The following AMBRA1 variants were observed in gnomAD, a reference collection of about 807,000 sequenced individuals.
AMBRA1 encodes autophagy and beclin 1 regulator 1.
Under a neutral mutation model 125.4 loss-of-function variants are expected in AMBRA1, and 47 were observed. The ratio of observed to expected loss-of-function variants is 0.37; its 90% CI spans 0.30 to 0.48. AMBRA1 has a LOEUF of 0.48. Among genes scored for constraint, AMBRA1 ranks in the 20% least tolerant of loss-of-function variants. The pLI is 0.99. For missense variants in AMBRA1, 1,331 were observed against 1,693.4 expected, an observed-to-expected ratio of 0.79 and a Z score of 3.76; for synonymous variants, 626 against 655.5, an observed-to-expected ratio of 0.95 and a Z score of 0.69.
intron 12 of AMBRA1, among the ~76,000 whole-genome samples, chr11:46,442,271 T>A (rs1396175492): frequency 1.3e-5 from 2 of 151,908 alleles, no homozygotes; most frequent in Non-Finnish European, 2.9e-5. Context: ...GCCACCCGAG[T>A]AGCTGGGAAA....
intron 9 of AMBRA1, among the ~76,000 whole-genome samples, chr11:46,498,008 C>A (rs921915654): frequency 6.6e-6 from 1 of 152,164 alleles, no homozygotes; most frequent in Non-Finnish European, 1.5e-5. Context: ...ACTTAGAAAA[C>A]TACACAGAAA....
intron 8 of AMBRA1, among the ~76,000 whole-genome samples, chr11:46,509,921 G>A (rs1451990373): frequency 6.6e-6 from 1 of 152,070 alleles, no homozygotes. Context: ...ATATCCAAAT[G>A]GTACAAAAAG....
chr11:46,569,982 C>T (rs2043697426), intron 1 of AMBRA1, among the ~76,000 whole-genome samples: 1 of 150,868 alleles, frequency 6.6e-6, no homozygotes, highest in African/African-American at 2.4e-5. Context: ...ATAATAAAGG[C>T]CAGGCACGGT....
intron 7 of AMBRA1, among the ~76,000 whole-genome samples, chr11:46,539,498 G>A (rs1031171744): frequency 5.3e-5 from 8 of 151,630 alleles, no homozygotes; most frequent in African/African-American, 1.9e-4. Context: ...TGGAGGTTGT[G>A]GTGAGCCGAG....
chr11:46,487,859 G>C (rs1478354934), intron 11 of AMBRA1, among the ~76,000 whole-genome samples: 1 of 151,892 alleles, frequency 6.6e-6, no homozygotes, highest in African/African-American at 2.4e-5. Flanking sequence ...CAATCAAAAA[G>C]CAGAGATTGT....
At chr11:46,475,420 G>C (rs144702743) in intron 11 of AMBRA1, among the ~76,000 whole-genome samples, 182 of 152,334 alleles carry the variant, frequency 1.2e-3, no homozygotes, top group African/African-American at 4.0e-3. Context: ...ATTTCTTTGA[G>C]GGGGTAGACT....
chr11:46,445,765 C>T (rs1398025110), intron 11 of AMBRA1, among the ~76,000 whole-genome samples: 1 of 152,254 alleles, frequency 6.6e-6, no homozygotes, highest in East Asian at 1.9e-4. Context: ...AGCTCCTTAT[C>T]ATTTTCTCCA....
At chr11:46,455,069 G>T (rs1948793911) in intron 11 of AMBRA1, among the ~76,000 whole-genome samples, 1 of 151,948 alleles carries the variant, frequency 6.6e-6, no homozygotes, top group South Asian at 2.1e-4. Flanking sequence ...ATTTGTTTTT[G>T]TAGATATGGG....
chr11:46,464,357 T>C (rs1222382079), intron 11 of AMBRA1, among the ~76,000 whole-genome samples: 1 of 152,176 alleles, frequency 6.6e-6, no homozygotes, highest in Non-Finnish European at 1.5e-5. Flanking sequence ...AGAAAAGCTT[T>C]ACCAAAAAAG....
At chr11:46,421,545 T>C (rs892672837) in intron 14 of AMBRA1, among the ~76,000 whole-genome samples, 2 of 152,222 alleles carry the variant, frequency 1.3e-5, no homozygotes, top group African/African-American at 2.4e-5. Context: ...AGAGGTCATC[T>C]GGTCCAATCA....
intron 17 of AMBRA1, among the ~76,000 whole-genome samples, chr11:46,399,842 G>A (rs1305212162): frequency 6.6e-6 from 1 of 152,234 alleles, no homozygotes; most frequent in Non-Finnish European, 1.5e-5. Context: ...TAGGGAGGGA[G>A]AGAAGGATCT....
chr11:46,416,785 T>C (rs1355931718), intron 15 of AMBRA1, among the ~76,000 whole-genome samples: 1 of 152,212 alleles, frequency 6.6e-6, no homozygotes, highest in Non-Finnish European at 1.5e-5. Flanking sequence ...AAGTGGCATT[T>C]AGTCGGCTGG....
At chr11:46,488,793 C>T (rs950059641) in intron 11 of AMBRA1, among the ~76,000 whole-genome samples, 1 of 152,116 alleles carries the variant, frequency 6.6e-6, no homozygotes. Flanking sequence ...AAGAGAACAA[C>T]AGAAGGAAAT....
At chr11:46,583,652 C>CAAAAAAAAATAAAA (rs2044257219) in intron 1 of AMBRA1, among the ~76,000 whole-genome samples, 1 of 12,564 alleles carries the variant, frequency 8.0e-5, no homozygotes, top group Non-Finnish European at 1.6e-4. Context: ...AACAAATTTC[C>CAAAAAAAAATAAAA]AAAAAAAAAA....
At chr11:46,569,262 A>T (rs1004162524) in intron 1 of AMBRA1, among the ~76,000 whole-genome samples, 5 of 147,998 alleles carry the variant, frequency 3.4e-5, no homozygotes, top group Non-Finnish European at 7.5e-5. Flanking sequence ...AAAAAAAAGT[A>T]ACCCTCCAAC....
At chr11:46,512,984 T>G (rs536921196) in intron 7 of AMBRA1, among the ~76,000 whole-genome samples, 171 bp from the exon 8 acceptor site, 1 of 152,184 alleles carries the variant, frequency 6.6e-6, no homozygotes, top group African/African-American at 2.4e-5. Context: ...CACAAATAAA[T>G]GAAGAGCTGC....
intron 14 of AMBRA1, chr11:46,428,507 C>T (rs759204499): frequency 5.4e-6 from 4 of 744,322 alleles, no homozygotes; most frequent in Non-Finnish European, 8.9e-6. Context: ...GCAAACTACG[C>T]CTGGTGAGAT....
intron 11 of AMBRA1, among the ~76,000 whole-genome samples, chr11:46,470,810 G>A (rs1245033540): frequency 6.6e-6 from 1 of 151,920 alleles, no homozygotes; most frequent in Admixed American, 6.6e-5. Context: ...CCACCCTAAA[G>A]GAAGTTTGTT....
Position 46,508,222 on chromosome 11 carries a change from C to T in AMBRA1, c.2308G>A (p.Glu770Lys). 1 of 1,614,164 alleles carries T rather than the reference C, an allele frequency of 6.2e-7. No individual in the cohort carries two copies. Among genetic ancestry groups the T allele is most frequent in the Non-Finnish European group, 8.5e-7 (1 of 1,180,020 alleles). The change falls in exon 9 of 18, where the codon GAG becomes AAG. Residue 770 changes from glutamate (E) to lysine (K), a missense_variant. Physicochemically the swap from Glu to Lys is moderately conservative, Grantham distance 56. This residue lies in a region of AMBRA1 where 689 missense variants were observed against 776.5 expected (regional missense o/e 0.89). Transcript: ENST00000683756. ...TCCTCAAATTCCAAGTCGGTTCCCT[C>T]TACTGATGGACCCTGGTTGTCTGAG... ...SSSDNQGPSV[E>K]GTDLEFEDFE...
Sources: allele counts gnomAD v4.1 joint callset (sites outside exome capture counted in the v4.1 genomes callset), GRCh38; gene constraint gnomAD v4.1.1; regional missense constraint gnomAD v4.1.1; transcripts MANE v1.5; gene names NCBI Gene and HGNC (gene_info 2026-07-23, HGNC 2026-07-21).